Variants in NTNG2 observed in about 807,000 individuals in gnomAD.
NTNG2 encodes the protein netrin-G2.
Under a neutral mutation model 47.6 loss-of-function variants are expected in NTNG2, and 15 were observed. The observed-to-expected ratio is 0.32, with a 90% confidence interval of 0.21 to 0.49. The LOEUF (loss-of-function observed/expected upper bound fraction) is 0.49, where lower values mean the gene tolerates loss of function less well. Ranked by LOEUF, NTNG2 falls within the 20% of genes least tolerant of loss-of-function variation. The pLI is 0.99. For synonymous variants in NTNG2, 307 were observed against 324.6 expected (o/e 0.95, Z 0.58); for missense variants, 578 against 764.6 (o/e 0.76, Z 2.88).
intron 3 of NTNG2, among the ~76,000 whole-genome samples, chr9:132,205,068 T>C (rs1159402965): frequency 6.6e-6 from 1 of 152,178 alleles, no homozygotes; most frequent in African/African-American, 2.4e-5. Flanking sequence ...GTATGGTGGC[T>C]CCTGAACAAG....
At chr9:132,227,322 G>C (rs762294655) in intron 4 of NTNG2, among the ~76,000 whole-genome samples, 1 of 152,210 alleles carries the variant, frequency 6.6e-6, no homozygotes, top group Non-Finnish European at 1.5e-5. Flanking sequence ...TAGCATACCT[G>C]CATCCTGCTG....
chr9:132,209,836 C>T (rs1459575782), intron 3 of NTNG2, among the ~76,000 whole-genome samples: 16 of 149,280 alleles, frequency 1.1e-4, no homozygotes, highest in African/African-American at 3.7e-4. Context: ...GGGGAGAGGG[C>T]TCTTCCTGAA....
At chr9:132,200,617 C>T (rs1382754351) in intron 3 of NTNG2, among the ~76,000 whole-genome samples, 1 of 152,154 alleles carries the variant, frequency 6.6e-6, no homozygotes, top group Non-Finnish European at 1.5e-5. Flanking sequence ...CTGCTGTTTC[C>T]AGCTTGTATT....
chr9:132,207,068 G>A (rs779930174), intron 3 of NTNG2, among the ~76,000 whole-genome samples: 15 of 152,268 alleles, frequency 9.9e-5, no homozygotes, highest in Admixed American at 2.6e-4. Flanking sequence ...AGAGAGTCAC[G>A]CACAGCAACG....
intron 2 of NTNG2, among the ~76,000 whole-genome samples, chr9:132,184,581 C>T (rs1169129836): frequency 5.3e-5 from 8 of 152,182 alleles, no homozygotes; most frequent in Admixed American, 4.6e-4. Context: ...CTGAAAGCTC[C>T]GCGGGGTGGA....
At chr9:132,234,785 C>T (rs1047315388) in intron 5 of NTNG2, among the ~76,000 whole-genome samples, 3 of 152,224 alleles carry the variant, frequency 2.0e-5, no homozygotes, top group African/African-American at 4.8e-5. Flanking sequence ...TTGGGCCTGG[C>T]GGCCTCATCT....
intron 2 of NTNG2, among the ~76,000 whole-genome samples, chr9:132,174,166 A>G (rs2131315348): frequency 6.9e-6 from 1 of 145,020 alleles, no homozygotes; most frequent in Admixed American, 6.8e-5. Flanking sequence ...GATGAGACGG[A>G]CGGACGGACA....
rs1038675815 is a variant in NTNG2 at position 132,236,536 on chromosome 9, T to G, written c.1055-2568T>G. ...TTCAAATTTCCTCCAGCCCCAGCTC[T>G]GAGCAGCGAGCAGGGCTTTGAGCGC... On this transcript the variant is annotated intron_variant, in intron 5 of 7. Coordinates refer to ENST00000393229, the MANE Select transcript of NTNG2 (RefSeq NM_032536.4). The surrounding 1 kb of genome is among the most constrained non-coding windows in gnomAD (Gnocchi z 4.3). 2.6e-5 allele frequency among the ~76,000 whole-genome samples: 4 copies of G among 152,226 alleles called. No homozygotes were observed. Among genetic ancestry groups the G allele is most frequent in the Non-Finnish European group, 4.4e-5 (3 of 68,032 alleles).
chr9:132,210,932 A>G (rs943584900), intron 3 of NTNG2, among the ~76,000 whole-genome samples: 5 of 152,182 alleles, frequency 3.3e-5, no homozygotes, highest in Admixed American at 3.3e-4. Flanking sequence ...ACTCATCTGT[A>G]ACATGCCCCT....
intron 3 of NTNG2, among the ~76,000 whole-genome samples, chr9:132,216,808 G>A (rs796568895): frequency 2.0e-5 from 3 of 152,268 alleles, no homozygotes; most frequent in African/African-American, 7.2e-5. Context: ...CAGACTGCCC[G>A]CCCAGGTCCA....
rs886934565 is a variant in NTNG2 at position 132,180,873 on chromosome 9, C to T, written c.213+13829C>T. ...CTTCCTAGAACCACGCATGTGCACA[C>T]GTGTGTGCAAACACTGGGCTCATGC... On this transcript the variant is annotated intron_variant, in intron 2 of 7. Transcript: ENST00000393229. This position sits in a 1 kb window ranked among gnomAD's most constrained non-coding sequence, Gnocchi z 4.2. Among the ~76,000 whole-genome samples the T allele has an allele frequency of 5.9e-5, 9 of 152,208 alleles. No homozygotes were observed. The highest frequency in any genetic ancestry group is 2.2e-4 in the African/African-American group (9 of 41,456).
At chr9:132,179,410 TAA>T (rs1242211907) in intron 2 of NTNG2, among the ~76,000 whole-genome samples, 4 of 152,076 alleles carry the variant, frequency 2.6e-5, no homozygotes, top group Non-Finnish European at 5.9e-5. Context: ...GAGCGTCCCC[TAA>T]GCCCATCTGC....
chr9:132,179,300 C>T (rs1836747937), intron 2 of NTNG2, among the ~76,000 whole-genome samples: 1 of 152,222 alleles, frequency 6.6e-6, no homozygotes, highest in African/African-American at 2.4e-5. Flanking sequence ...GAGGGTGATA[C>T]ATCTACTTCC....
At position 132,242,525 on chromosome 9, in the gene NTNG2, G is replaced by GGGC. The variant is rs1842056648; in HGVS notation, c.*423_*425dup. The stretch of plus-strand genomic sequence containing the variant: ...ACCCCCTGGCCTGTGCCAGGCTCAC[G>GGGC]GGCGGCGGCGGACCCCGACCTCCAG... On this transcript the variant is annotated 3_prime_UTR_variant, in exon 8 of 8. Transcript: ENST00000393229. This position sits in a 1 kb window ranked among gnomAD's most constrained non-coding sequence, Gnocchi z 5.9. 1 of 152,180 alleles carries GGGC rather than the reference G, an allele frequency of 6.6e-6. No individual in the cohort carries two copies. The highest frequency in any genetic ancestry group is 2.1e-4 in the South Asian group (1 of 4,832). The allele number at this position is 152,180 out of a possible 1,614,324, so 9.4% of individuals were successfully genotyped here.
In NTNG2 at chr9:132,208,178, C is replaced by G. The variant is rs1839311718; in HGVS notation, c.857+9569C>G. ...GACCCAGGGGTCAGGGAAGGCCCTC[C>G]AGGGAGGGGGGCTTTGAAGGAGAAA... On this transcript the variant is annotated intron_variant, in intron 3 of 7. Coordinates refer to ENST00000393229, the MANE Select transcript of NTNG2 (RefSeq NM_032536.4). The surrounding 1 kb of genome is among the most constrained non-coding windows in gnomAD (Gnocchi z 4.0). Among the ~76,000 whole-genome samples, 1 of 151,754 alleles carries G rather than the reference C, an allele frequency of 6.6e-6. No individual in the cohort carries two copies. The highest frequency in any genetic ancestry group is 2.4e-5 in the African/African-American group (1 of 41,274).
rs375746278 is a variant in NTNG2 at position 132,233,285 on chromosome 9, G to GCACA, written c.1054+2699_1054+2702dup. 5 of 152,158 alleles carry GCACA rather than the reference G, an allele frequency of 3.3e-5. No homozygotes were observed. The East Asian group carries it at 5.8e-4, about 18-fold the overall frequency. The allele number at this position is 152,158 out of a possible 1,614,324, so 9.4% of individuals were successfully genotyped here. On this transcript the variant is annotated intron_variant, in intron 5 of 7. Coordinates refer to ENST00000393229, the MANE Select transcript of NTNG2 (RefSeq NM_032536.4). ...ATATCACATGTGCAAGTGCACACAT[G>GCACA]CACACACACACATGCATGCACACAC...
intron 5 of NTNG2, among the ~76,000 whole-genome samples, chr9:132,234,917 A>C (rs1348556524): frequency 6.6e-6 from 1 of 152,240 alleles, no homozygotes; most frequent in East Asian, 1.9e-4. Flanking sequence ...ACCGTTGTGT[A>C]TAATCCCTTC....
At chr9:132,185,516 G>A (rs1837295805) in intron 2 of NTNG2, among the ~76,000 whole-genome samples, 2 of 152,118 alleles carry the variant, frequency 1.3e-5, no homozygotes. Context: ...TCTAGCTTAT[G>A]CTCTGCACAA....
At chr9:132,228,066 C>G (rs1420724355) in intron 4 of NTNG2, among the ~76,000 whole-genome samples, 2 of 152,248 alleles carry the variant, frequency 1.3e-5, no homozygotes, top group African/African-American at 4.8e-5. Context: ...CGGGGCCCTC[C>G]CAGGTTTCAC....
Sources: gnomAD v4.1 joint callset for allele counts (sites outside exome capture counted in the v4.1 genomes callset) on GRCh38, gnomAD v4.1.1 for gene constraint, Gnocchi (gnomAD v3.1) non-coding constraint, MANE v1.5 for transcripts, NCBI Gene and HGNC (gene_info 2026-07-23, HGNC 2026-07-21) for gene names.